The following TRPM7 variants were observed in gnomAD, a reference collection of about 807,000 sequenced individuals.
TRPM7 encodes LTRPC ion channel family member 7.
A neutral mutation model predicts 229.7 loss-of-function variants in TRPM7; 134 were observed. The ratio of observed to expected loss-of-function variants is 0.58; its 90% CI spans 0.51 to 0.67. TRPM7 has a LOEUF of 0.67. TRPM7 is among the 30% of genes least tolerant of loss of function. The pLI, the probability that TRPM7 is intolerant of heterozygous loss-of-function variation, is 0.00. For synonymous variants in TRPM7, 699 were observed against 715.2 expected (o/e 0.98, Z 0.36); for missense variants, 1,901 against 2,210.0 (o/e 0.86, Z 2.80).
chr15:50,586,875 T>A (rs1243337883), intron 27 of TRPM7, among the ~76,000 whole-genome samples: 7 of 151,714 alleles, frequency 4.6e-5, no homozygotes, highest in Non-Finnish European at 7.4e-5. Flanking sequence ...AATCAGCTGG[T>A]TGTGGTGGCG....
intron 3 of TRPM7, among the ~76,000 whole-genome samples, chr15:50,652,671 T>C (rs571261435): frequency 1.3e-5 from 2 of 152,202 alleles, no homozygotes; most frequent in Non-Finnish European, 2.9e-5. Flanking sequence ...AGTGGGTACA[T>C]TTCCCAATTC....
intron 3 of TRPM7, among the ~76,000 whole-genome samples, chr15:50,650,192 C>CCA (rs2061382542): frequency 1.6e-5 from 1 of 62,302 alleles, no homozygotes; most frequent in African/African-American, 7.2e-5. Flanking sequence ...GACTTTGTCT[C>CCA]AAAAAAAAAA....
chr15:50,658,446 T>A (rs1165457050), intron 2 of TRPM7, among the ~76,000 whole-genome samples: 1 of 151,796 alleles, frequency 6.6e-6, no homozygotes, highest in East Asian at 1.9e-4. Context: ...GGTGCAGGCC[T>A]ATAGTCCTAG....
At chr15:50,670,754 T>C (rs564519010) in intron 1 of TRPM7, among the ~76,000 whole-genome samples, 38 of 151,768 alleles carry the variant, frequency 2.5e-4, no homozygotes, top group Non-Finnish European at 4.9e-4. Flanking sequence ...ACCATTCTTT[T>C]GTTTATTTAC....
chr15:50,626,772 C>T (rs1000828988), intron 11 of TRPM7, among the ~76,000 whole-genome samples: 8 of 150,024 alleles, frequency 5.3e-5, no homozygotes, highest in African/African-American at 2.0e-4. Flanking sequence ...TTTTTTATTG[C>T]TATATAGGAA....
chr15:50,618,649 G>A (rs989908712), intron 13 of TRPM7, among the ~76,000 whole-genome samples: 4 of 151,866 alleles, frequency 2.6e-5, no homozygotes, highest in Non-Finnish European at 5.9e-5. Flanking sequence ...TATTTAGGGG[G>A]TACAAGTATA....
intron 10 of TRPM7, 143 bp from the exon 11 acceptor site, chr15:50,628,392 T>C: frequency 1.7e-6 from 1 of 581,102 alleles, no homozygotes; most frequent in Non-Finnish European, 3.0e-6. Context: ...ACTGCAGCCT[T>C]GAATTCCTGG....
chr15:50,606,743 C>T (rs12912763), intron 20 of TRPM7, among the ~76,000 whole-genome samples: 11,439 of 152,188 alleles, frequency 0.075, 558 homozygotes, highest in South Asian at 0.12. Flanking sequence ...GAGTGATCCG[C>T]CCGCCTCAGC....
chr15:50,594,678 G>T, intron 23 of TRPM7, 65 bp from the exon 24 acceptor site: 1 of 1,095,474 alleles, frequency 9.1e-7, no homozygotes, highest in Non-Finnish European at 1.3e-6. Flanking sequence ...TTTAAATACT[G>T]ATGATTTCAT....
chr15:50,637,320 T>G, intron 7 of TRPM7, 102 bp downstream of exon 7: 2 of 1,045,512 alleles, frequency 1.9e-6, no homozygotes, highest in Non-Finnish European at 2.8e-6. Context: ...TATCTTGCTA[T>G]GTAAGAAAGA....
intron 1 of TRPM7, among the ~76,000 whole-genome samples, chr15:50,670,008 G>T (rs780315010): frequency 2.5e-4 from 38 of 152,314 alleles, no homozygotes; most frequent in Non-Finnish European, 4.4e-4. Context: ...CTTACTGAAT[G>T]TTTTATTAAA....
chr15:50,668,511 T>G (rs544458482), intron 1 of TRPM7, among the ~76,000 whole-genome samples: 1 of 152,202 alleles, frequency 6.6e-6, no homozygotes, highest in South Asian at 2.1e-4. Context: ...TTTGTTTTTG[T>G]TTTTTGTTTT....
Position 50,559,279 on chromosome 15 carries a change from C to G in TRPM7, c.*2399G>C, listed in dbSNP as rs2053224760. ...TGTTGGTCAGGCTGGTCTCGAACTC[C>G]TGACCTTGTGATCCGCCCACCTTGG... is the stretch of plus-strand genomic sequence containing the variant. On this transcript the variant is annotated 3_prime_UTR_variant, in exon 39 of 39. Coordinates refer to ENST00000646667, the MANE Select transcript of TRPM7 (RefSeq NM_017672.6). The G allele has an allele frequency of 6.6e-6, 1 of 152,154 alleles. No homozygotes were observed. The highest frequency in any genetic ancestry group is 2.1e-4 in the South Asian group (1 of 4,820). 9.4% of individuals were successfully genotyped at this position (152,154 alleles called of 1,614,324 possible). A position where few individuals can be genotyped will look rare whatever the true frequency, so the allele number is the denominator to read the frequency against.
intron 12 of TRPM7, among the ~76,000 whole-genome samples, chr15:50,622,969 G>A (rs892806377): frequency 2.6e-5 from 4 of 152,128 alleles, no homozygotes; most frequent in African/African-American, 9.7e-5. Context: ...CATAATAATT[G>A]TACTTAACTA....
intron 31 of TRPM7, among the ~76,000 whole-genome samples, chr15:50,577,124 C>T (rs1390075659): frequency 2.8e-5 from 3 of 105,834 alleles, no homozygotes; most frequent in East Asian, 2.4e-4. Context: ...GGGGAGGGGG[C>T]GGGAGGCGTG....
At chr15:50,651,754 G>A (rs1004273537) in intron 3 of TRPM7, among the ~76,000 whole-genome samples, 4 of 152,026 alleles carry the variant, frequency 2.6e-5, no homozygotes, top group East Asian at 1.9e-4. Context: ...GCTGGGCGTC[G>A]TGGCAGTCGC....
intron 4 of TRPM7, among the ~76,000 whole-genome samples, chr15:50,644,600 C>A (rs992439828): frequency 2.6e-5 from 4 of 151,972 alleles, no homozygotes; most frequent in Non-Finnish European, 5.9e-5. Flanking sequence ...GTCAAGCGTT[C>A]GAGGCCAGCC....
chr15:50,642,282 T>A (rs1262559606), intron 5 of TRPM7, among the ~76,000 whole-genome samples: 1 of 152,198 alleles, frequency 6.6e-6, no homozygotes, highest in East Asian at 1.9e-4. Flanking sequence ...AACCTTTTTC[T>A]AAAAGGCTAA....
chr15:50,609,416 G>C (rs561560328), intron 19 of TRPM7, among the ~76,000 whole-genome samples, 165 bp downstream of exon 19: 3 of 152,180 alleles, frequency 2.0e-5, no homozygotes, highest in East Asian at 3.9e-4. Flanking sequence ...TATCACTCTA[G>C]ATGATGACAA....
Sources: gnomAD v4.1 joint callset for allele counts (sites outside exome capture counted in the v4.1 genomes callset) on GRCh38, gnomAD v4.1.1 for gene constraint, MANE v1.5 for transcripts, NCBI Gene and HGNC (gene_info 2026-07-23, HGNC 2026-07-21) for gene names.